The following KRCC1 variants were observed in gnomAD, a reference collection of about 807,000 sequenced individuals.
KRCC1 encodes the protein lysine rich coiled-coil 1.
Under a neutral mutation model 7.4 loss-of-function variants are expected in KRCC1, and 3 were observed. The observed-to-expected ratio is 0.40, with a 90% CI of 0.18 to 1.04. The LOEUF is 1.04. Ranked by LOEUF, KRCC1 falls within the 50% of genes least tolerant of loss-of-function variation. KRCC1 has a pLI of 0.33. For missense variants in KRCC1, 277 were observed against 300.9 expected, an observed-to-expected ratio of 0.92 and a Z score of 0.59; for synonymous variants, 102 against 101.6, an observed-to-expected ratio of 1.00 and a Z score of -0.02.
At chr2:88,029,282 T>C (rs941860646) in intron 3 of KRCC1, among the ~76,000 whole-genome samples, 2 of 152,212 alleles carry the variant, frequency 1.3e-5, no homozygotes, top group Non-Finnish European at 2.9e-5. Flanking sequence ...TGTATATTAG[T>C]TTCTAAGAGA....
chr2:88,052,513 A>C (rs112717579), intron 1 of KRCC1, among the ~76,000 whole-genome samples: 2 of 105,870 alleles, frequency 1.9e-5, no homozygotes, highest in African/African-American at 5.7e-5. Flanking sequence ...GGGCAACTGC[A>C]TAAGTGAATA....
intron 1 of KRCC1, among the ~76,000 whole-genome samples, chr2:88,042,926 G>C (rs1673245285): frequency 6.6e-6 from 1 of 152,054 alleles, no homozygotes; most frequent in Admixed American, 6.6e-5. Context: ...AGCAATCTAT[G>C]GGTTTAATTA....
chr2:88,048,486 T>G (rs1295883164), intron 1 of KRCC1, among the ~76,000 whole-genome samples: 1 of 152,216 alleles, frequency 6.6e-6, no homozygotes. Flanking sequence ...TAAAAAAATG[T>G]TTCTAATAGC....
intron 2 of KRCC1, among the ~76,000 whole-genome samples, chr2:88,035,123 C>T (rs1379701347): frequency 2.6e-5 from 4 of 152,238 alleles, no homozygotes; most frequent in South Asian, 4.1e-4. Flanking sequence ...AATAGAATTT[C>T]GCTTGCTTTC....
intron 1 of KRCC1, among the ~76,000 whole-genome samples, chr2:88,044,553 G>A (rs1673289399): frequency 6.6e-6 from 1 of 152,118 alleles, no homozygotes; most frequent in Admixed American, 6.6e-5. Context: ...AAGGGCAAAA[G>A]GTCTGAACAG....
intron 1 of KRCC1, among the ~76,000 whole-genome samples, chr2:88,048,093 T>TTTC (rs1673383480): frequency 6.6e-6 from 1 of 151,778 alleles, no homozygotes; most frequent in Non-Finnish European, 1.5e-5. Flanking sequence ...TGTATTTTTT[T>TTTC]TTTTTGAGAT....
chr2:88,031,705 T>C (rs1409501332), intron 3 of KRCC1, among the ~76,000 whole-genome samples: 1 of 151,996 alleles, frequency 6.6e-6, no homozygotes, highest in Admixed American at 6.5e-5. Context: ...AAATAAAATA[T>C]TTTTGTGCAG....
intron 1 of KRCC1, among the ~76,000 whole-genome samples, chr2:88,037,464 AT>A (rs949403669): frequency 4.0e-5 from 6 of 150,344 alleles, no homozygotes; most frequent in Non-Finnish European, 5.9e-5. Context: ...AACCATCTTT[AT>A]TTTTTTTTTA....
intron 3 of KRCC1, 56 bp from the exon 4 acceptor site, chr2:88,028,641 G>GT: frequency 1.1e-5 from 8 of 708,478 alleles, no homozygotes; most frequent in African/African-American, 6.1e-5. Context: ...CATTTCCTTT[G>GT]CTCTTTTTTT....
chr2:88,043,056 G>A (rs1673247994), intron 1 of KRCC1, among the ~76,000 whole-genome samples: 1 of 152,112 alleles, frequency 6.6e-6, no homozygotes. Context: ...GGTCTGATCT[G>A]TTTGTACTAC....
chr2:88,031,746 T>G (rs547208977), intron 3 of KRCC1, among the ~76,000 whole-genome samples: 1 of 152,124 alleles, frequency 6.6e-6, no homozygotes, highest in East Asian at 1.9e-4. Context: ...TAAGTGTGAT[T>G]ACAAAATAGT....
At chr2:88,046,233 C>G (rs1046862740) in intron 1 of KRCC1, among the ~76,000 whole-genome samples, 3 of 152,172 alleles carry the variant, frequency 2.0e-5, no homozygotes, top group African/African-American at 7.2e-5. Context: ...TATAGGAAGC[C>G]TGGAATCAGT....
At chr2:88,044,443 A>G (rs1336438236) in intron 1 of KRCC1, among the ~76,000 whole-genome samples, 2 of 152,206 alleles carry the variant, frequency 1.3e-5, no homozygotes, top group African/African-American at 4.8e-5. Context: ...GCCACAGAAT[A>G]TAGGATAAAT....
At chr2:88,046,808 C>A (rs1314887648) in intron 1 of KRCC1, among the ~76,000 whole-genome samples, 1 of 152,048 alleles carries the variant, frequency 6.6e-6, no homozygotes, top group Non-Finnish European at 1.5e-5. Context: ...GTAGCTGGGA[C>A]TACAGGCATC....
At chr2:88,033,596 G>A (rs1673037534) in intron 3 of KRCC1, among the ~76,000 whole-genome samples, 2 of 152,100 alleles carry the variant, frequency 1.3e-5, no homozygotes, top group Non-Finnish European at 2.9e-5. Flanking sequence ...GATACATGAA[G>A]GTTCATTATA....
rs997221208 is a variant in KRCC1 at position 88,028,031 on chromosome 2, T to C, written c.533A>G (p.His178Arg). 1 of 1,614,144 alleles carries C rather than the reference T, an allele frequency of 6.2e-7. No homozygotes were observed. The highest frequency in any genetic ancestry group is 8.5e-7 in the Non-Finnish European group (1 of 1,180,030). ...REKSEEERSK[H>R]KRKKSCEEID... is the part of the protein sequence containing the mutation. ...TTCCTCGCAGCTTTTTTTTCTCTTATGCTTAGACCGCTCCTCCTCTGATTT... is the reference window on the plus strand; with the variant it reads ...TTCCTCGCAGCTTTTTTTTCTCTTACGCTTAGACCGCTCCTCCTCTGATTT... Residue 178 changes from histidine to arginine, a missense_variant, in exon 4 of 4, where the codon CAT (histidine) becomes CGT (arginine). Transcript: ENST00000347055.
chr2:88,050,798 C>T (rs535970130), intron 1 of KRCC1, among the ~76,000 whole-genome samples: 1 of 152,226 alleles, frequency 6.6e-6, no homozygotes, highest in Admixed American at 6.5e-5. Context: ...CTTGACACCA[C>T]AATAATAAAT....
At chr2:88,030,564 T>C (rs1672973423) in intron 3 of KRCC1, among the ~76,000 whole-genome samples, 1 of 152,112 alleles carries the variant, frequency 6.6e-6, no homozygotes, top group African/African-American at 2.4e-5. Flanking sequence ...TTAAAAGCAC[T>C]GATCAGCAAG....
At chr2:88,045,196 TA>T (rs1673303197) in intron 1 of KRCC1, among the ~76,000 whole-genome samples, 1 of 152,144 alleles carries the variant, frequency 6.6e-6, no homozygotes, top group African/African-American at 2.4e-5. Context: ...TTTATGAAGT[TA>T]AATACATAGC....
Sources: gnomAD v4.1 joint callset for allele counts (sites outside exome capture counted in the v4.1 genomes callset) on GRCh38, gnomAD v4.1.1 for gene constraint, MANE v1.5 for transcripts, NCBI Gene and HGNC (gene_info 2026-07-23, HGNC 2026-07-21) for gene names.